The following SLMAP variants were observed in gnomAD, a reference collection of about 807,000 sequenced individuals.
The protein encoded by SLMAP is sarcolemmal membrane-associated protein.
Under a neutral mutation model 128.8 loss-of-function variants are expected in SLMAP, and 44 were observed. The observed-to-expected ratio is 0.34, with a 90% CI of 0.27 to 0.44. The LOEUF (loss-of-function observed/expected upper bound fraction) is 0.44. Ranked by LOEUF, SLMAP falls within the 20% of genes least tolerant of loss-of-function variation. The pLI, the probability that SLMAP is intolerant of heterozygous loss-of-function variation, is 1.00. For synonymous variants in SLMAP, 327 were observed against 348.8 expected, an observed-to-expected ratio of 0.94 and a Z score of 0.70; for missense variants, 787 against 985.3, an observed-to-expected ratio of 0.80 and a Z score of 2.69.
In SLMAP at chr3:57,831,433, G is replaced by A. The variant is rs1003873547; in HGVS notation, c.249G>A (p.Gln83=). ...GTAATGGTACTTTTATAAATAGCCA[G>A]AGATTGAGTCGAGGCTCTGAAGAAA... ...KSSNGTFINS[Q]RLSRGSEESP... The change falls in exon 3 of 25, where the codon CAG becomes CAA. Residue 83 remains glutamine (Q), a synonymous_variant. Transcript: ENST00000671191. 5 of 1,591,246 alleles carry A rather than the reference G, an allele frequency of 3.1e-6. No homozygotes were observed. Among genetic ancestry groups the A allele is most frequent in the Non-Finnish European group, 3.4e-6 (4 of 1,168,324 alleles).
intron 2 of SLMAP, among the ~76,000 whole-genome samples, chr3:57,792,065 G>A (rs1313738327): frequency 6.6e-6 from 1 of 152,022 alleles, no homozygotes; most frequent in African/African-American, 2.4e-5. Context: ...TGTGAATTAA[G>A]CTAACTAGTG....
chr3:57,765,808 A>G (rs1054536570), intron 2 of SLMAP, among the ~76,000 whole-genome samples: 12 of 152,172 alleles, frequency 7.9e-5, no homozygotes, highest in Non-Finnish European at 1.8e-4. Flanking sequence ...TTTAAAGCAC[A>G]TGTTCATTTC....
rs2097037884 is a variant in SLMAP at position 57,928,245 on chromosome 3, C to A, written c.*956C>A. The A allele has an allele frequency of 6.6e-6, 1 of 152,332 alleles. No homozygotes were observed. The highest frequency in any genetic ancestry group is 2.1e-4 in the South Asian group (1 of 4,818). 9.4% of individuals were successfully genotyped at this position (152,332 alleles called of 1,614,324 possible). On this transcript the variant is annotated 3_prime_UTR_variant, in exon 25 of 25. Coordinates refer to ENST00000671191, the MANE Select transcript of SLMAP (RefSeq NM_001377540.1). ...AAAAGCCAAGTTACTTTCTCATATA[C>A]AGCATTTTAGGAAGCATGATTTTTT...
chr3:57,897,080 A>G, intron 17 of SLMAP, 148 bp downstream of exon 17: 3 of 1,411,134 alleles, frequency 2.1e-6, no homozygotes, highest in Non-Finnish European at 1.8e-6. Context: ...AAAAATTTAA[A>G]GTTTTGGTGT....
At chr3:57,876,299 G>T (rs1349403925) in intron 14 of SLMAP, among the ~76,000 whole-genome samples, 1 of 152,090 alleles carries the variant, frequency 6.6e-6, no homozygotes, top group African/African-American at 2.4e-5. Context: ...GAAAATAAAT[G>T]AATTGAAACA....
intron 2 of SLMAP, among the ~76,000 whole-genome samples, chr3:57,782,123 A>C (rs1334505097): frequency 6.6e-6 from 1 of 152,170 alleles, no homozygotes; most frequent in Non-Finnish European, 1.5e-5. Context: ...TGGATATAGG[A>C]TATTTCCATT....
chr3:57,779,508 C>CAAAAA (rs75146875), intron 2 of SLMAP, among the ~76,000 whole-genome samples: 10 of 79,742 alleles, frequency 1.3e-4, no homozygotes, highest in Non-Finnish European at 2.2e-4. Flanking sequence ...GACCCTGTTT[C>CAAAAA]AAAAAAAAAA....
At chr3:57,782,081 T>C (rs1159531129) in intron 2 of SLMAP, among the ~76,000 whole-genome samples, 1 of 152,198 alleles carries the variant, frequency 6.6e-6, no homozygotes, top group Non-Finnish European at 1.5e-5. Context: ...ATTTATACTC[T>C]TTTATTTTGG....
chr3:57,769,994 T>C (rs2080502766), intron 2 of SLMAP, among the ~76,000 whole-genome samples: 2 of 152,174 alleles, frequency 1.3e-5, no homozygotes, highest in Non-Finnish European at 2.9e-5. Context: ...TGATTTTACT[T>C]ACCAAGGAAT....
chr3:57,924,879 G>A (rs185876211), intron 23 of SLMAP, among the ~76,000 whole-genome samples: 1 of 151,786 alleles, frequency 6.6e-6, no homozygotes, highest in East Asian at 1.9e-4. Context: ...CAGGTATCGA[G>A]CAAAAATAGT....
intron 22 of SLMAP, among the ~76,000 whole-genome samples, chr3:57,919,684 C>T (rs1298380576): frequency 3.3e-5 from 5 of 151,626 alleles, no homozygotes; most frequent in African/African-American, 9.7e-5. Context: ...ATCCCAGTTA[C>T]TTGGGAGGCT....
chr3:57,908,001 T>C lies in SLMAP; in HGVS notation c.1619T>C (p.Leu540Pro). The change falls in exon 18 of 25, where the codon CTT becomes CCT. Residue 540 changes from leucine (L) to proline (P), a missense_variant. Leu to Pro is a moderately conservative substitution (Grantham distance 98). Coordinates refer to ENST00000671191, the MANE Select transcript of SLMAP (RefSeq NM_001377540.1). ...ACAAGTAAACAAAAATGCTTTGAAC[T>C]TCAAGGTGAGATCAAGATTACTTTG... ...ARTSKQKCFE[L>P]QALLEEERKA... 2.5e-6 allele frequency: 4 copies of C among 1,613,334 alleles called. No homozygotes were observed. The highest frequency in any genetic ancestry group is 3.4e-6 in the Non-Finnish European group (4 of 1,179,536).
intron 15 of SLMAP, among the ~76,000 whole-genome samples, chr3:57,893,401 G>A (rs1254142688): frequency 6.6e-6 from 1 of 151,154 alleles, no homozygotes; most frequent in Non-Finnish European, 1.5e-5. Flanking sequence ...TCCAGCCTGG[G>A]CAACAGAGCA....
intron 22 of SLMAP, among the ~76,000 whole-genome samples, chr3:57,920,004 T>C (rs1380579413): frequency 6.6e-6 from 1 of 152,040 alleles, no homozygotes; most frequent in Non-Finnish European, 1.5e-5. Context: ...AAATAAGTGC[T>C]TTGGTGCACA....
intron 17 of SLMAP, among the ~76,000 whole-genome samples, chr3:57,906,310 C>CTTTCTTTTTTTTTTTTTTTTTTTTTTTT (rs2096548355): frequency 2.1e-5 from 1 of 47,048 alleles, no homozygotes; most frequent in Non-Finnish European, 4.2e-5. Flanking sequence ...CTTTTTTTTT[C>CTTTCTTTTTTTTTTTTTTTTTTTTTTTT]TTTTTTTTTT....
At chr3:57,863,102 T>C (rs946788897) in intron 10 of SLMAP, among the ~76,000 whole-genome samples, 2 of 152,222 alleles carry the variant, frequency 1.3e-5, no homozygotes, top group African/African-American at 4.8e-5. Flanking sequence ...TATTTAGTGC[T>C]GTGCTGGAAC....
intron 17 of SLMAP, chr3:57,899,714 G>A (rs1381236775): frequency 6.6e-6 from 1 of 151,912 alleles, no homozygotes; most frequent in African/African-American, 2.4e-5. Context: ...TACCCGACTT[G>A]TTTACTCTTT....
chr3:57,836,145 A>T (rs116592743), intron 3 of SLMAP, among the ~76,000 whole-genome samples: 1,920 of 152,228 alleles, frequency 0.013, 28 homozygotes, highest in African/African-American at 0.044. Flanking sequence ...AGTCTCACCA[A>T]TCCCTATAAA....
intron 2 of SLMAP, among the ~76,000 whole-genome samples, chr3:57,816,700 G>A (rs1343094785): frequency 6.6e-6 from 1 of 152,208 alleles, no homozygotes; most frequent in East Asian, 1.9e-4. Context: ...AGATGTGAGA[G>A]TTAGCTGCTT....
Sources: gnomAD v4.1 joint callset for allele counts (sites outside exome capture counted in the v4.1 genomes callset) on GRCh38, gnomAD v4.1.1 for gene constraint, MANE v1.5 for transcripts, NCBI Gene and HGNC (gene_info 2026-07-23, HGNC 2026-07-21) for gene names.